The following NABP1 variants were observed in gnomAD, a reference collection of about 807,000 sequenced individuals.
NABP1 encodes the protein nucleic acid binding protein 1.
Under a neutral mutation model 25.0 loss-of-function variants are expected in NABP1, and 18 were observed. The ratio of observed to expected loss-of-function variants is 0.72; its 90% CI spans 0.50 to 1.07. The LOEUF is 1.07. Ranked by LOEUF, NABP1 falls within the 50% of genes least tolerant of loss-of-function variation. The pLI is 0.00. For missense variants in NABP1, 270 were observed against 255.6 expected, an observed-to-expected ratio of 1.06 and a Z score of -0.39; for synonymous variants, 71 against 85.0, an observed-to-expected ratio of 0.84 and a Z score of 0.91.
chr2:191,679,733 A>ATATTTTTTCTTTTTTATAAGT (rs1687622053), intron 2 of NABP1, among the ~76,000 whole-genome samples: 2 of 152,304 alleles, frequency 1.3e-5, no homozygotes, highest in South Asian at 4.1e-4. Context: ...GGTATAGTCC[A>ATATTTTTTCTTTTTTATAAGT]TATTTTTTCT....
At chr2:191,679,980 T>G (rs1172374450) in intron 2 of NABP1, among the ~76,000 whole-genome samples, 1 of 152,208 alleles carries the variant, frequency 6.6e-6, no homozygotes, top group Admixed American at 6.5e-5. Flanking sequence ...TGATTTCTTG[T>G]GTCTTCTGCT....
Position 191,683,597 on chromosome 2 carries a change from ATGAAGAGTTAGT to A in NABP1, c.303-130_303-119del. 1 of 647,390 alleles carries A rather than the reference ATGAAGAGTTAGT, an allele frequency of 1.5e-6. No individual in the cohort carries two copies. The highest frequency in any genetic ancestry group is 2.7e-6 in the Non-Finnish European group (1 of 374,746). The allele number at this position is 647,390 out of a possible 1,614,324, so 40.1% of individuals were successfully genotyped here. A position where few individuals can be genotyped will look rare whatever the true frequency, so the allele number is the denominator to read the frequency against. On this transcript the variant is annotated intron_variant, in intron 3 of 5. Coordinates refer to ENST00000425611, the MANE Select transcript of NABP1 (RefSeq NM_001031716.5). The surrounding 1 kb of genome is among the most constrained non-coding windows in gnomAD (Gnocchi z 4.1). ...ATCATTTGGGAAGTTTTTGTTGTAA[ATGAAGAGTTAGT>A]TTGTTGCTATTAATTTGTTTGACAC... is the stretch of plus-strand genomic sequence containing the variant.
chr2:191,684,219 CT>C lies in NABP1; in HGVS notation c.379-3del, dbSNP rs754846392. ...TATTCTCGTTTGGTTAAATTAAAAA[CT>C]TTTTTTTAGGCACAGAGTGAACAGA... On this transcript the variant is annotated splice_polypyrimidine_tract_variant and intron_variant, in intron 4 of 5. Coordinates refer to ENST00000425611, the MANE Select transcript of NABP1 (RefSeq NM_001031716.5). The C allele has an allele frequency of 3.9e-5, 59 of 1,525,474 alleles. No homozygotes were observed. The highest frequency in any genetic ancestry group is 2.4e-4 in the Admixed American group (11 of 45,344). The allele number at this position is 1,525,474 out of a possible 1,614,324, so 94.5% of individuals were successfully genotyped here.
intron 2 of NABP1, among the ~76,000 whole-genome samples, chr2:191,679,615 G>A (rs1687616203): frequency 1.3e-5 from 2 of 152,176 alleles, no homozygotes; most frequent in Admixed American, 1.3e-4. Flanking sequence ...GACCTCAAGT[G>A]ATCCGCGCGC....
chr2:191,682,438 C>T (rs1260990456), intron 3 of NABP1: 5 of 462,104 alleles, frequency 1.1e-5, no homozygotes, highest in Non-Finnish European at 2.2e-5. Flanking sequence ...AATATGTACT[C>T]ATGTTAAAAA....
chr2:191,684,334 A>G (rs1163431617), intron 5 of NABP1, 38 bp downstream of exon 5: 8 of 1,401,940 alleles, frequency 5.7e-6, no homozygotes, highest in Admixed American at 5.3e-5. Flanking sequence ...GTGATCAGGT[A>G]TAAGAATGAA....
intron 5 of NABP1, 121 bp from the exon 6 acceptor site, chr2:191,685,478 A>G (rs1454162758): frequency 1.1e-6 from 1 of 892,832 alleles, no homozygotes; most frequent in Non-Finnish European, 1.6e-6. Context: ...TTTTTTCTGT[A>G]TAAAAATAAA....
chr2:191,682,161 T>G (rs1687705015), intron 3 of NABP1, 144 bp downstream of exon 3: 1 of 485,622 alleles, frequency 2.1e-6, no homozygotes, highest in Admixed American at 4.0e-5. Context: ...AAAAATAACT[T>G]CGTGTATACA....
chr2:191,685,201 C>G (rs1434463256), intron 5 of NABP1: 1 of 164,550 alleles, frequency 6.1e-6, no homozygotes, highest in Non-Finnish European at 1.3e-5. Flanking sequence ...CTTGGCATTG[C>G]TGATCACATT....
At chr2:191,682,339 C>T in intron 3 of NABP1, 1 of 356,618 alleles carries the variant, frequency 2.8e-6, no homozygotes, top group South Asian at 2.4e-5. Context: ...AGTAGATTCT[C>T]TTTTGTAGTG....
Position 191,679,069 on chromosome 2 carries a change from C to T in NABP1, c.171C>T (p.Ser57=). ...VADKTGSITI[S]VWDEIGGLIQ... is the part of the protein sequence containing the mutation. Reference sequence around the variant, plus strand: ...ATAAAACGGGCAGCATCACTATTTCCGTGTGGGATGAGATCGGAGGTCTTA... The same window carrying T: ...ATAAAACGGGCAGCATCACTATTTCTGTGTGGGATGAGATCGGAGGTCTTA... Residue 57 remains serine (S), a synonymous_variant, in exon 2 of 6, where the codon TCC becomes TCT. Transcript: ENST00000425611. 2 of 1,614,168 alleles carry T rather than the reference C, an allele frequency of 1.2e-6. No individual in the cohort carries two copies. The highest frequency in any genetic ancestry group is 1.7e-6 in the Non-Finnish European group (2 of 1,180,024).
rs1310176300 is a variant in NABP1, at chr2:191,685,785, A to G, written c.*17A>G. ...AAAAGATGACCTATGCTAAATACTC[A>G]TGTGTAGTTTTTATACTACATGCCC... On this transcript the variant is annotated 3_prime_UTR_variant, in exon 6 of 6. Coordinates refer to ENST00000425611, the MANE Select transcript of NABP1 (RefSeq NM_001031716.5). 2 of 1,610,664 alleles carry G rather than the reference A, an allele frequency of 1.2e-6. No homozygotes were observed. The highest frequency in any genetic ancestry group is 8.5e-7 in the Non-Finnish European group (1 of 1,177,700).
At chr2:191,682,800 T>C (rs1320496515) in intron 3 of NABP1, 2 of 254,568 alleles carry the variant, frequency 7.9e-6, no homozygotes, top group Non-Finnish European at 1.6e-5. Context: ...GGGAATAAGA[T>C]GCTTATTTGG....
At position 191,678,418 on chromosome 2, in the gene NABP1, T is replaced by C. The variant is rs1351038086; in HGVS notation, c.-197T>C. The C allele has an allele frequency of 8.8e-4, 262 of 296,894 alleles. 1 individual carries two copies. The highest frequency in any genetic ancestry group is 1.4e-3 in the Non-Finnish European group (224 of 162,980). 18.4% of individuals were successfully genotyped at this position (296,894 alleles called of 1,614,324 possible). On this transcript the variant is annotated 5_prime_UTR_variant, in exon 1 of 6. Coordinates refer to ENST00000425611, the MANE Select transcript of NABP1 (RefSeq NM_001031716.5). Reference sequence around the variant, plus strand: ...ACTTGTGAGCCTTTTTTTTTTTTTTTTTTTTTTTTCTTTTTTTAGGCTCAG... The same window carrying C: ...ACTTGTGAGCCTTTTTTTTTTTTTTCTTTTTTTTTCTTTTTTTAGGCTCAG...
rs1179355497 is a variant in NABP1, at chr2:191,685,911, T to G, written c.*143T>G. The stretch of plus-strand genomic sequence containing the variant: ...TCTTGGTTTGTTAAGAAGAATGGTT[T>G]GTTTTTATAGCAAAACTGTTAAGCT... On this transcript the variant is annotated 3_prime_UTR_variant, in exon 6 of 6. Coordinates refer to ENST00000425611, the MANE Select transcript of NABP1 (RefSeq NM_001031716.5). 1.3e-6 allele frequency: 1 copy of G among 754,210 alleles called. No individual in the cohort carries two copies. The allele number at this position is 754,210 out of a possible 1,614,324, so 46.7% of individuals were successfully genotyped here.
rs935408122 is a variant in NABP1 at position 191,678,175 on chromosome 2, C to G, written c.-440C>G. 4 of 153,398 alleles carry G rather than the reference C, an allele frequency of 2.6e-5. No homozygotes were observed. Among genetic ancestry groups the G allele is most frequent in the Non-Finnish European group, 5.8e-5 (4 of 68,724 alleles). 9.5% of individuals were successfully genotyped at this position (153,398 alleles called of 1,614,324 possible). A position where few individuals can be genotyped will look rare whatever the true frequency, so the allele number is the denominator to read the frequency against. Reference sequence around the variant, plus strand: ...ACGCTGGGTGTGCGGTGTTCTGTCTCCGCTCCCGTTTCGCTGTCACAGCCC... The same window carrying G: ...ACGCTGGGTGTGCGGTGTTCTGTCTGCGCTCCCGTTTCGCTGTCACAGCCC... On this transcript the variant is annotated 5_prime_UTR_variant, in exon 1 of 6. Transcript: ENST00000425611.
intron 4 of NABP1, 55 bp from the exon 5 acceptor site, chr2:191,684,175 A>T: frequency 9.2e-7 from 1 of 1,092,760 alleles, no homozygotes; most frequent in Non-Finnish European, 1.3e-6. Flanking sequence ...ATAATGTTGT[A>T]ATAATATAAT....
chr2:191,678,453 G>T lies in NABP1; in HGVS notation c.-162G>T. 1 of 471,660 alleles carries T rather than the reference G, an allele frequency of 2.1e-6. No individual in the cohort carries two copies. Among genetic ancestry groups the T allele is most frequent in the Non-Finnish European group, 3.7e-6 (1 of 267,586 alleles). The allele number at this position is 471,660 out of a possible 1,614,324, so 29.2% of individuals were successfully genotyped here. A position where few individuals can be genotyped will look rare whatever the true frequency, so the allele number is the denominator to read the frequency against. Reference sequence around the variant, plus strand: ...CTTTTTTTAGGCTCAGTGCTGTCCGGGCTGGTTTGCCCGGTCCCTGACTAA... The same window carrying T: ...CTTTTTTTAGGCTCAGTGCTGTCCGTGCTGGTTTGCCCGGTCCCTGACTAA... On this transcript the variant is annotated 5_prime_UTR_variant, in exon 1 of 6. Transcript: ENST00000425611.
At chr2:191,684,319 C>T in intron 5 of NABP1, 23 bp downstream of exon 5, 2 of 1,470,168 alleles carry the variant, frequency 1.4e-6, no homozygotes, top group Non-Finnish European at 1.8e-6. Context: ...TTGTGTGTTT[C>T]ATTTGTGATC....
Sources: allele counts gnomAD v4.1 joint callset (sites outside exome capture counted in the v4.1 genomes callset), GRCh38; gene constraint gnomAD v4.1.1; non-coding constraint Gnocchi (gnomAD v3.1); transcripts MANE v1.5; gene names NCBI Gene and HGNC (gene_info 2026-07-23, HGNC 2026-07-21).